ENKUR: variants seen among roughly 807,000 people sequenced by gnomAD.
The protein encoded by ENKUR is enkurin, TRPC channel interacting protein, also known as enkurin.
Under a neutral mutation model 27.6 loss-of-function variants are expected in ENKUR, and 19 were observed. That is an observed-to-expected ratio of 0.69 (90% CI 0.48 to 1.01). The LOEUF (loss-of-function observed/expected upper bound fraction) is 1.01. Ranked by LOEUF, ENKUR falls within the 50% of genes least tolerant of loss-of-function variation. The pLI, the probability that ENKUR is intolerant of heterozygous loss-of-function variation, is 0.00. For synonymous variants in ENKUR, 117 were observed against 96.9 expected (o/e 1.21, Z -1.22); for missense variants, 312 against 310.5 (o/e 1.00, Z -0.04).
chr10:25,003,158 TTTAATTAATTAA>T (rs371206452), intron 1 of ENKUR, among the ~76,000 whole-genome samples: 1 of 142,294 alleles, frequency 7.0e-6, no homozygotes, highest in Non-Finnish European at 1.6e-5. Context: ...TCAGTGTTTC[TTTAATTAATTAA>T]TTAATTAATT....
chr10:25,033,703 GA>G (rs1850961976), intron 2 of ENKUR, among the ~76,000 whole-genome samples: 1 of 151,602 alleles, frequency 6.6e-6, no homozygotes, highest in Non-Finnish European at 1.5e-5. Context: ...TTTGGTTTTT[GA>G]AAAATCAAGA....
intron 2 of ENKUR, among the ~76,000 whole-genome samples, chr10:25,030,242 C>T (rs61853351): frequency 0.038 from 5,728 of 152,206 alleles, 146 homozygotes; most frequent in Non-Finnish European, 0.06. Context: ...TTTGATAGAA[C>T]TCACTCTCCA....
In ENKUR at chr10:24,984,198, A is replaced by C; in HGVS notation, c.*172T>G. 3.0e-6 allele frequency: 2 copies of C among 659,606 alleles called. No individual in the cohort carries two copies. Among genetic ancestry groups the C allele is most frequent in the Non-Finnish European group, 4.9e-6 (2 of 412,236 alleles). The allele number at this position is 659,606 out of a possible 1,614,324, so 40.9% of individuals were successfully genotyped here. A position where few individuals can be genotyped will look rare whatever the true frequency, so the allele number is the denominator to read the frequency against. Reference sequence around the variant, plus strand: ...CATATACAGTGTTACGAATACTGAAAATATTTCTCACTGGGAATAACTGCA... The same window carrying C: ...CATATACAGTGTTACGAATACTGAACATATTTCTCACTGGGAATAACTGCA... On this transcript the variant is annotated 3_prime_UTR_variant, in exon 6 of 6. Coordinates refer to ENST00000331161, the MANE Select transcript of ENKUR (RefSeq NM_145010.4).
intron 2 of ENKUR, among the ~76,000 whole-genome samples, chr10:25,052,763 ACT>A (rs1588685834): frequency 6.9e-6 from 1 of 145,742 alleles, no homozygotes; most frequent in South Asian, 2.3e-4. Flanking sequence ...ACAGAGTGAG[ACT>A]CTCTCTTTTT....
chr10:25,049,633 C>T (rs531270866), intron 2 of ENKUR, among the ~76,000 whole-genome samples: 1 of 151,928 alleles, frequency 6.6e-6, no homozygotes, highest in East Asian at 1.9e-4. Context: ...ACTAAAAATA[C>T]AAAAATTAGC....
upstream of ENKUR, among the ~76,000 whole-genome samples, chr10:25,020,568 A>G (rs1850699760): frequency 6.6e-6 from 1 of 151,982 alleles, no homozygotes; most frequent in Non-Finnish European, 1.5e-5. Context: ...GGAGTTCGAG[A>G]TCAGTCTGGG....
intron 4 of ENKUR, among the ~76,000 whole-genome samples, chr10:24,989,357 G>A (rs1195632016): frequency 6.6e-6 from 1 of 152,148 alleles, no homozygotes. Flanking sequence ...TGGGGATGCT[G>A]CTGTCAGCAA....
chr10:25,024,738 T>G, intron 2 of ENKUR: 1 of 1,614,192 alleles, frequency 6.2e-7, no homozygotes, highest in Middle Eastern at 1.6e-4. Context: ...TCGATGTCTG[T>G]ATTCCCACAG....
At chr10:25,043,437 C>A (rs1256964561) in intron 2 of ENKUR, among the ~76,000 whole-genome samples, 22 of 151,670 alleles carry the variant, frequency 1.5e-4, no homozygotes, top group Admixed American at 1.2e-3. Flanking sequence ...TCATTTATAC[C>A]TTTTCCCATC....
chr10:25,015,840 G>C lies in ENKUR; in HGVS notation c.77+20C>G, dbSNP rs759298634. 8 of 1,586,644 alleles carry C rather than the reference G, an allele frequency of 5.0e-6. No individual in the cohort carries two copies. The highest frequency in any genetic ancestry group is 6.9e-6 in the Non-Finnish European group (8 of 1,167,002). On this transcript the variant is annotated intron_variant, in intron 1 of 5. Coordinates refer to ENST00000331161, the MANE Select transcript of ENKUR (RefSeq NM_145010.4). ...TTCCCCATTCTTGTTTCAAGTGATA[G>C]TCTTTGCTTATCCACATACCTAGGA... is the stretch of plus-strand genomic sequence containing the variant.
At chr10:24,994,490 C>T (rs925380484) in intron 3 of ENKUR, among the ~76,000 whole-genome samples, 7 of 151,696 alleles carry the variant, frequency 4.6e-5, no homozygotes, top group African/African-American at 1.5e-4. Flanking sequence ...CACACCACCA[C>T]GCCTGGCTAA....
At chr10:25,042,638 TA>T (rs1040639245) in intron 2 of ENKUR, among the ~76,000 whole-genome samples, 42 of 151,846 alleles carry the variant, frequency 2.8e-4, no homozygotes, top group African/African-American at 9.9e-4. Context: ...AATATAAAGT[TA>T]AAAAAATCCT....
upstream of ENKUR, among the ~76,000 whole-genome samples, chr10:25,017,610 G>C (rs1158608889): frequency 6.9e-6 from 1 of 145,210 alleles, no homozygotes; most frequent in Non-Finnish European, 1.5e-5. Context: ...ATAAGAATAC[G>C]TTAAGTTTTT....
intron 2 of ENKUR, among the ~76,000 whole-genome samples, chr10:25,037,573 T>TA (rs1442223409): frequency 6.6e-6 from 1 of 152,174 alleles, no homozygotes; most frequent in Non-Finnish European, 1.5e-5. Flanking sequence ...ATGACTCAAT[T>TA]ACTAATGAAA....
At chr10:25,054,369 C>A (rs541619297) in intron 2 of ENKUR, among the ~76,000 whole-genome samples, 3 of 152,140 alleles carry the variant, frequency 2.0e-5, no homozygotes, top group Non-Finnish European at 4.4e-5. Context: ...TTGCAGTGAG[C>A]GGAGATCACG....
intron 4 of ENKUR, among the ~76,000 whole-genome samples, chr10:24,985,847 T>C (rs1849765790): frequency 6.6e-6 from 1 of 152,100 alleles, no homozygotes; most frequent in Admixed American, 6.5e-5. Context: ...ACAGGTGAAT[T>C]GCTTGAGCCC....
intron 2 of ENKUR, chr10:25,023,844 T>C: frequency 6.2e-7 from 1 of 1,614,200 alleles, no homozygotes; most frequent in Non-Finnish European, 8.5e-7. Context: ...AAAGTGGGGC[T>C]TCCCCAGAGG....
At chr10:24,997,014 GA>G in intron 2 of ENKUR, among the ~76,000 whole-genome samples, 1 of 152,296 alleles carries the variant, frequency 6.6e-6, no homozygotes, top group Admixed American at 6.5e-5. Flanking sequence ...AAGATACAGA[GA>G]AAAGATAACC....
At chr10:25,010,223 T>C (rs1163438041) in intron 1 of ENKUR, among the ~76,000 whole-genome samples, 4 of 152,152 alleles carry the variant, frequency 2.6e-5, no homozygotes, top group African/African-American at 9.7e-5. Context: ...TGTTGAGAAC[T>C]GGAATAAAGG....
Sources: gnomAD v4.1 joint callset for allele counts (sites outside exome capture counted in the v4.1 genomes callset) on GRCh38, gnomAD v4.1.1 for gene constraint, MANE v1.5 for transcripts, NCBI Gene and HGNC (gene_info 2026-07-23, HGNC 2026-07-21) for gene names.